The following RPL7L1 variants were observed in gnomAD, a reference collection of about 807,000 sequenced individuals.
RPL7L1 encodes the protein ribosomal protein uL30-like.
In RPL7L1, 20 loss-of-function variants were observed where a neutral mutation model predicts 30.3. The observed-to-expected ratio is 0.66, with a 90% CI of 0.46 to 0.96. RPL7L1 has a LOEUF of 0.96. Among genes scored for constraint, RPL7L1 ranks in the 40% least tolerant of loss-of-function variants. RPL7L1 has a pLI of 0.00. For synonymous variants in RPL7L1, 107 were observed against 110.1 expected (o/e 0.97, Z 0.18); for missense variants, 271 against 314.9 (o/e 0.86, Z 1.05).
chr6:42,880,415 A>C (rs952518682), intron 1 of RPL7L1: 3 of 220,960 alleles, frequency 1.4e-5, no homozygotes, highest in African/African-American at 6.9e-5. Context: ...CGCAGGTTTC[A>C]GGGGAATCTT....
In RPL7L1 at chr6:42,884,938, C is replaced by T. The variant is rs148770461; in HGVS notation, c.449+188C>T. Among the ~76,000 whole-genome samples the T allele has an allele frequency of 4.9e-3, 750 of 152,132 alleles. 3 individuals are homozygous for T. Among genetic ancestry groups the T allele is most frequent in the Middle Eastern group, 0.01 (3 of 294 alleles). Reference sequence around the variant, plus strand: ...AGGGTAGGGAGGGGTCTGAACAATACCATAGTAGGGCTGGTTCAGTCATAG... The same window carrying T: ...AGGGTAGGGAGGGGTCTGAACAATATCATAGTAGGGCTGGTTCAGTCATAG... On this transcript the variant is annotated intron_variant, in intron 4 of 5. Transcript: ENST00000493763.
At chr6:42,883,352 G>A (rs2114081757) in intron 2 of RPL7L1, 99 bp from the exon 3 acceptor site, 1 of 926,598 alleles carries the variant, frequency 1.1e-6, no homozygotes, top group Admixed American at 2.8e-5. Context: ...GTGGAACACG[G>A]GGAAATAAGC....
Position 42,886,584 on chromosome 6 carries a change from G to A in RPL7L1, c.*120G>A. On this transcript the variant is annotated 3_prime_UTR_variant, in exon 6 of 6. Transcript: ENST00000493763. ...TTAAGAGTAACCTTGAGATTGGGAG[G>A]AATAGAGGAGGCTGGTACAAATAGA... 1.5e-6 allele frequency: 1 copy of A among 665,784 alleles called. No homozygotes were observed. The highest frequency in any genetic ancestry group is 2.6e-6 in the Non-Finnish European group (1 of 378,872). 41.2% of individuals were successfully genotyped at this position (665,784 alleles called of 1,614,324 possible).
chr6:42,886,617 C>A lies in RPL7L1; in HGVS notation c.*153C>A. The stretch of plus-strand genomic sequence containing the variant: ...GAGGCTGGTACAAATAGATGGAGAC[C>A]TGCTGGGATCAGTGAATGCCTGATT... On this transcript the variant is annotated 3_prime_UTR_variant, in exon 6 of 6. Transcript: ENST00000493763. 1.6e-6 allele frequency: 1 copy of A among 617,016 alleles called. No individual in the cohort carries two copies. The highest frequency in any genetic ancestry group is 2.9e-6 in the Non-Finnish European group (1 of 347,112). The allele number at this position is 617,016 out of a possible 1,614,324, so 38.2% of individuals were successfully genotyped here. A position where few individuals can be genotyped will look rare whatever the true frequency, so the allele number is the denominator to read the frequency against.
chr6:42,883,177 G>T, intron 2 of RPL7L1: 1 of 248,328 alleles, frequency 4.0e-6, no homozygotes, highest in Non-Finnish European at 7.8e-6. Context: ...GCAAATGCTG[G>T]CGTGGAGTTT....
rs1023508709 is a variant in RPL7L1, at chr6:42,888,490, A to G, written c.*2026A>G. The G allele has an allele frequency of 6.6e-6, 1 of 152,184 alleles. No individual in the cohort carries two copies. The highest frequency in any genetic ancestry group is 2.4e-5 in the African/African-American group (1 of 41,442). The allele number at this position is 152,184 out of a possible 1,614,324, so 9.4% of individuals were successfully genotyped here. ...ACCTTATGTGAGGAAGTCCTGCTCA[A>G]TCAGGATCGGTCACGCAGGCCCTGA... is the stretch of plus-strand genomic sequence containing the variant. On this transcript the variant is annotated 3_prime_UTR_variant, in exon 6 of 6. Coordinates refer to ENST00000493763, the MANE Select transcript of RPL7L1 (RefSeq NM_001366481.3).
Position 42,889,588 on chromosome 6 carries a change from A to G in RPL7L1, c.*3124A>G, listed in dbSNP as rs1240716415. 2.0e-5 allele frequency: 3 copies of G among 152,656 alleles called. No homozygotes were observed. Among genetic ancestry groups the G allele is most frequent in the African/African-American group, 7.2e-5 (3 of 41,462 alleles). The allele number at this position is 152,656 out of a possible 1,614,324, so 9.5% of individuals were successfully genotyped here. ...GATTACTTTAAAATGATGTATTACA[A>G]AGTTATGCAAAAAAGCAGTTGTGAC... On this transcript the variant is annotated 3_prime_UTR_variant, in exon 6 of 6. Transcript: ENST00000493763.
chr6:42,882,775 G>A (rs143620694), intron 2 of RPL7L1: 10,739 of 151,134 alleles, frequency 0.071, 1,213 homozygotes, highest in African/African-American at 0.24. Context: ...GTGTGGTGGC[G>A]CATGCCTGTA....
At chr6:42,883,794 A>G in intron 3 of RPL7L1, 180 bp downstream of exon 3, 1 of 415,338 alleles carries the variant, frequency 2.4e-6, no homozygotes, top group Non-Finnish European at 4.3e-6. Flanking sequence ...AGGCTTGAAA[A>G]TAAGTGCTAT....
intron 3 of RPL7L1, 149 bp from the exon 4 acceptor site, chr6:42,884,464 A>C: frequency 1.6e-6 from 1 of 639,634 alleles, no homozygotes; most frequent in Non-Finnish European, 2.7e-6. Flanking sequence ...ATCTGTTTTC[A>C]TAACCGCCTC....
chr6:42,880,801 C>A, intron 1 of RPL7L1, 60 bp from the exon 2 acceptor site: 2 of 981,390 alleles, frequency 2.0e-6, no homozygotes, highest in Admixed American at 2.0e-5. Context: ...GCTTGAGCCA[C>A]CGAGCCCGGC....
chr6:42,882,707 A>T (rs1766124155), intron 2 of RPL7L1: 1 of 152,118 alleles, frequency 6.6e-6, no homozygotes. Context: ...CAGGAGTTTG[A>T]GACCAAGCTG....
rs552611536 is a variant in RPL7L1 at position 42,884,351 on chromosome 6, C to T, written c.312-262C>T. On this transcript the variant is annotated intron_variant, in intron 3 of 5. Coordinates refer to ENST00000493763, the MANE Select transcript of RPL7L1 (RefSeq NM_001366481.3). ...ATAGAAGCACATCCAGCTTCCTTAG[C>T]TGGACATGTGTAGACCTACATACCA... is the stretch of plus-strand genomic sequence containing the variant. Among the ~76,000 whole-genome samples, 26 of 152,300 alleles carry T rather than the reference C, an allele frequency of 1.7e-4. No homozygotes were observed. In the South Asian group the frequency reaches 2.7e-3, roughly 16 times the overall value.
chr6:42,880,062 C>A (rs1766015489), intron 1 of RPL7L1, 111 bp downstream of exon 1: 2 of 1,100,942 alleles, frequency 1.8e-6, no homozygotes, highest in African/African-American at 3.1e-5. Context: ...ATAGAAAAGG[C>A]CACAGTTTAC....
At chr6:42,884,790 A>G (rs772116515) in intron 4 of RPL7L1, 40 bp downstream of exon 4, 67 of 1,593,204 alleles carry the variant, frequency 4.2e-5, no homozygotes, top group Non-Finnish European at 5.1e-5. Flanking sequence ...TTAGATTTCT[A>G]TTTGAGTGTG....
At chr6:42,884,902 C>T (rs1581658876) in intron 4 of RPL7L1, 152 bp downstream of exon 4, 3 of 715,384 alleles carry the variant, frequency 4.2e-6, no homozygotes, top group East Asian at 5.3e-5. Flanking sequence ...GCTGTAATAA[C>T]CATGGGACAC....
intron 4 of RPL7L1, chr6:42,885,772 T>A: frequency 2.0e-6 from 1 of 496,344 alleles, no homozygotes; most frequent in Non-Finnish European, 3.7e-6. Context: ...TAAATTTAAA[T>A]TTCTAATTAT....
chr6:42,883,361 G>A lies in RPL7L1; in HGVS notation c.148-90G>A, dbSNP rs113679450. 1.0e-5 allele frequency: 10 copies of A among 994,760 alleles called. No homozygotes were observed. In the African/African-American group the frequency reaches 1.5e-4, roughly 15 times the overall value. 61.6% of individuals were successfully genotyped at this position (994,760 alleles called of 1,614,324 possible). On this transcript the variant is annotated intron_variant, in intron 2 of 5. Coordinates refer to ENST00000493763, the MANE Select transcript of RPL7L1 (RefSeq NM_001366481.3). Reference sequence around the variant, plus strand: ...CGCATTGTGGAACACGGGGAAATAAGCTATATCAGTTGTCACTTATGAATT... The same window carrying A: ...CGCATTGTGGAACACGGGGAAATAAACTATATCAGTTGTCACTTATGAATT...
rs1766266017 is a variant in RPL7L1, at chr6:42,886,345, C to T, written c.649C>T (p.Pro217Ser). 2 of 1,605,656 alleles carry T rather than the reference C, an allele frequency of 1.2e-6. No homozygotes were observed. Among genetic ancestry groups the T allele is most frequent in the Non-Finnish European group, 8.5e-7 (1 of 1,179,710 alleles). Residue 217 changes from proline (P) to serine (S), a missense_variant, in exon 6 of 6, where the codon CCT (proline) becomes TCT (serine). Pro to Ser is a moderately conservative substitution (Grantham distance 74). Coordinates refer to ENST00000493763, the MANE Select transcript of RPL7L1 (RefSeq NM_001366481.3). ...HFQEISWFLCPFHLSVARHAT... is the reference protein window; with the variant it reads ...HFQEISWFLCSFHLSVARHAT... ...CCAGGAGATCTCATGGTTCTTGTGCCCTTTCCACCTCTCAGTGGCCCGTCA... is the reference window on the plus strand; with the variant it reads ...CCAGGAGATCTCATGGTTCTTGTGCTCTTTCCACCTCTCAGTGGCCCGTCA...
Sources: allele counts gnomAD v4.1 joint callset (sites outside exome capture counted in the v4.1 genomes callset), GRCh38; gene constraint gnomAD v4.1.1; transcripts MANE v1.5; gene names NCBI Gene and HGNC (gene_info 2026-07-23, HGNC 2026-07-21).